The following CDH26 variants were observed in gnomAD, a reference collection of about 807,000 sequenced individuals.
CDH26 encodes the protein cadherin 26.
In CDH26, 83 loss-of-function variants were observed where a neutral mutation model predicts 90.3. The ratio of observed to expected loss-of-function variants is 0.92; its 90% CI spans 0.77 to 1.10. The LOEUF is 1.10. Among genes scored for constraint, CDH26 ranks in the 50% least tolerant of loss-of-function variants. The pLI is 0.00. For missense variants in CDH26, 1,013 were observed against 1,037.6 expected, an observed-to-expected ratio of 0.98 and a Z score of 0.33; for synonymous variants, 397 against 396.3, an observed-to-expected ratio of 1.00 and a Z score of -0.02.
intron 1 of CDH26, among the ~76,000 whole-genome samples, chr20:59,963,373 C>G (rs1261278233): frequency 6.6e-6 from 1 of 151,448 alleles, no homozygotes; most frequent in African/African-American, 2.4e-5. Flanking sequence ...ACCTCAGCCT[C>G]CCAAGTAGCT....
At chr20:60,000,943 T>A (rs1006433694) in intron 14 of CDH26, among the ~76,000 whole-genome samples, 2 of 152,216 alleles carry the variant, frequency 1.3e-5, no homozygotes, top group African/African-American at 4.8e-5. Flanking sequence ...ACTTCATTAT[T>A]GAAGCGTCAC....
At chr20:59,966,990 A>C in intron 1 of CDH26, among the ~76,000 whole-genome samples, 1 of 147,594 alleles carries the variant, frequency 6.8e-6, no homozygotes, top group Admixed American at 6.6e-5. Flanking sequence ...GATAAGTAAA[A>C]AAAAAAATAA....
chr20:60,004,444 G>A (rs559924169), intron 16 of CDH26, among the ~76,000 whole-genome samples: 2 of 152,176 alleles, frequency 1.3e-5, no homozygotes, highest in South Asian at 4.1e-4. Context: ...AATACTGTAG[G>A]CAATTGGAAC....
rs1237496230 is a variant in CDH26, at chr20:59,999,596, A to G, written c.2030A>G (p.Asp677Gly). 6.2e-7 allele frequency: 1 copy of G among 1,614,012 alleles called. No individual in the cohort carries two copies. The highest frequency in any genetic ancestry group is 8.5e-7 in the Non-Finnish European group (1 of 1,179,928). Residue 677 changes from aspartate to glycine, a missense_variant, in exon 14 of 18, where the codon GAT becomes GGT. Coordinates refer to ENST00000348616, the MANE Select transcript of CDH26 (RefSeq NM_177980.4). The stretch of plus-strand genomic sequence containing the variant: ...CTCTGTGTTCTACAGACATGGTCAG[A>G]TGTTGAAGGCCAGAGGCCGGCTCTG... ...SKGTSAQTWS[D>G]VEGQRPALLI...
At chr20:60,016,656 A>G (rs548563750), downstream of CDH26, among the ~76,000 whole-genome samples, 1 of 151,040 alleles carries the variant, frequency 6.6e-6, no homozygotes, top group South Asian at 2.1e-4. Flanking sequence ...TATGTTGAAT[A>G]CAAGAAGAGA....
rs1601208035 is a variant in CDH26 at position 60,012,471 on chromosome 20, G to A, written c.2296-56G>A. On this transcript the variant is annotated intron_variant, in intron 17 of 17. Coordinates refer to ENST00000348616, the MANE Select transcript of CDH26 (RefSeq NM_177980.4). ...TTCCTCGAATCAAACCTAGAGAAAT[G>A]AGCTGGGTATGGAAGCACATGGCAT... 4 of 1,523,824 alleles carry A rather than the reference G, an allele frequency of 2.6e-6. No homozygotes were observed. The East Asian group carries it at 9.0e-5, about 34-fold the overall frequency. 94.4% of individuals were successfully genotyped at this position (1,523,824 alleles called of 1,614,324 possible). A position where few individuals can be genotyped will look rare whatever the true frequency, so the allele number is the denominator to read the frequency against.
intron 1 of CDH26, among the ~76,000 whole-genome samples, chr20:59,962,456 C>T (rs905283079): frequency 5.9e-5 from 9 of 152,184 alleles, no homozygotes; most frequent in South Asian, 2.1e-4. Flanking sequence ...CTTGCAGCTA[C>T]GTCACTCCAG....
Position 59,996,046 on chromosome 20 carries a change from C to G in CDH26, c.1880C>G (p.Ala627Gly), listed in dbSNP as rs771855644. ...ALFPVCAAFV[A>G]LAVALLFLLR... ...TTCCCTGTCTGTGCAGCATTTGTGGCTCTGGCAGGTCAGTGGTCTGTAGGG... is the reference window on the plus strand; with the variant it reads ...TTCCCTGTCTGTGCAGCATTTGTGGGTCTGGCAGGTCAGTGGTCTGTAGGG... The change falls in exon 12 of 18, where the codon GCT (alanine) becomes GGT (glycine). Residue 627 changes from alanine to glycine, a missense_variant. Physicochemically the swap from Ala to Gly is moderately conservative, Grantham distance 60. Transcript: ENST00000348616. 3 of 1,612,584 alleles carry G rather than the reference C, an allele frequency of 1.9e-6. No individual in the cohort carries two copies.
chr20:59,959,359 C>T (rs116338335), intron 1 of CDH26, among the ~76,000 whole-genome samples: 1,528 of 151,922 alleles, frequency 0.01, 30 homozygotes, highest in African/African-American at 0.035. Flanking sequence ...CTTGCCCTTC[C>T]GAAGTGTTGG....
chr20:59,988,024 T>C (rs1396731971), intron 8 of CDH26, among the ~76,000 whole-genome samples: 1 of 152,232 alleles, frequency 6.6e-6, no homozygotes, highest in South Asian at 2.1e-4. Context: ...GAGTTTTCAA[T>C]GTTTAAGACT....
At chr20:59,969,703 A>G (rs1421726378) in intron 2 of CDH26, among the ~76,000 whole-genome samples, 1 of 152,222 alleles carries the variant, frequency 6.6e-6, no homozygotes, top group Non-Finnish European at 1.5e-5. Context: ...TCAGCACCTA[A>G]TCATCAATAA....
chr20:60,031,340 G>A (rs1001264922), exon 8 of CDH26: 16 of 1,294,396 alleles, frequency 1.2e-5, no homozygotes, highest in African/African-American at 4.6e-5. Context: ...ATGATGCCAC[G>A]GAGACTAACG....
chr20:59,989,011 A>G lies in CDH26; in HGVS notation c.1131A>G (p.Ala377=). ...ERGKLQPPRK[A]AASATVSVQV... is the part of the protein sequence containing the mutation. The stretch of plus-strand genomic sequence containing the variant: ...GAAAGCTTCAGCCGCCAAGGAAGGC[A>G]GCAGCCAGCGCCACTGTGAGTGTGC... Residue 377 remains alanine, a synonymous_variant, in exon 9 of 18, where the codon GCA becomes GCG. Transcript: ENST00000348616. 6.2e-7 allele frequency: 1 copy of G among 1,614,240 alleles called. No homozygotes were observed. The highest frequency in any genetic ancestry group is 8.5e-7 in the Non-Finnish European group (1 of 1,180,034).
At chr20:59,979,214 T>TC (rs1305594980) in intron 4 of CDH26, among the ~76,000 whole-genome samples, 18 of 151,298 alleles carry the variant, frequency 1.2e-4, no homozygotes, top group African/African-American at 3.9e-4. Context: ...TTTTTTTTTT[T>TC]TTTGAGACGG....
chr20:59,996,358 T>C, intron 12 of CDH26: 1 of 1,455,184 alleles, frequency 6.9e-7, no homozygotes, highest in South Asian at 1.5e-5. Flanking sequence ...TTCAGGCTCC[T>C]GGACTTGGCA....
chr20:60,006,991 G>A (rs1420712635), intron 17 of CDH26, among the ~76,000 whole-genome samples: 4 of 152,200 alleles, frequency 2.6e-5, no homozygotes, highest in African/African-American at 9.7e-5. Flanking sequence ...TCCAAGGTCA[G>A]GGTTCCAGCA....
chr20:60,025,628 G>T (rs195023), intron 7 of CDH26, among the ~76,000 whole-genome samples: 124,791 of 152,154 alleles, frequency 0.82, 51,438 homozygotes, highest in Non-Finnish European at 0.85. Flanking sequence ...GTTACCTGAG[G>T]CACAAGGCCA....
downstream of CDH26, among the ~76,000 whole-genome samples, chr20:60,017,106 A>G (rs966722086): frequency 6.6e-6 from 1 of 152,026 alleles, no homozygotes; most frequent in African/African-American, 2.4e-5. Context: ...TGGCTTTGGA[A>G]TGAGAGTTAT....
intron 4 of CDH26, among the ~76,000 whole-genome samples, chr20:59,973,285 G>A (rs2061287126): frequency 6.6e-6 from 1 of 152,318 alleles, no homozygotes; most frequent in Admixed American, 6.5e-5. Flanking sequence ...GAGTAGGGAG[G>A]ACCTAGTGAT....
Sources: gnomAD v4.1 joint callset for allele counts (sites outside exome capture counted in the v4.1 genomes callset) on GRCh38, gnomAD v4.1.1 for gene constraint, MANE v1.5 for transcripts, NCBI Gene and HGNC (gene_info 2026-07-23, HGNC 2026-07-21) for gene names.